TCF12: variants seen among roughly 807,000 people sequenced by gnomAD.
TCF12 encodes transcription factor 12.
A neutral mutation model predicts 86.0 loss-of-function variants in TCF12; 45 were observed. That is an observed-to-expected ratio of 0.52 (90% CI 0.41 to 0.67). The LOEUF is 0.67. TCF12 is among the 30% of genes least tolerant of loss of function. TCF12 has a pLI of 0.00. For synonymous variants in TCF12, 330 were observed against 299.6 expected (o/e 1.10, Z -1.05); for missense variants, 881 against 859.9 (o/e 1.02, Z -0.31).
Position 57,177,752 on chromosome 15 carries a change from G to A in TCF12, c.390+11286G>A, listed in dbSNP as rs557181073. 9.3e-5 allele frequency among the ~76,000 whole-genome samples: 14 copies of A among 150,668 alleles called. No homozygotes were observed. The South Asian group carries it at 2.5e-3, about 27-fold the overall frequency. On this transcript the variant is annotated intron_variant, in intron 6 of 20. Transcript: ENST00000333725. The stretch of plus-strand genomic sequence containing the variant: ...TTATTTATTTTGTGAAACAGATCTC[G>A]CTCTGTCACCCAGGGCGGAGTGCAG...
At chr15:57,178,794 A>C (rs1383022934) in intron 6 of TCF12, among the ~76,000 whole-genome samples, 1 of 152,252 alleles carries the variant, frequency 6.6e-6, no homozygotes, top group African/African-American at 2.4e-5. Flanking sequence ...TGCCTTCAAA[A>C]AATCCCCTAT....
At position 57,166,603 on chromosome 15, in the gene TCF12, C is replaced by T. The variant is rs1351798052; in HGVS notation, c.390+137C>T. On this transcript the variant is annotated intron_variant, in intron 6 of 20. Transcript: ENST00000333725. The stretch of plus-strand genomic sequence containing the variant: ...ATTTGTAACTAAGTGTTGTTTTTTG[C>T]TCTCTTTGCTTAAAATTGTTTCAGT... 4 of 677,808 alleles carry T rather than the reference C, an allele frequency of 5.9e-6. No homozygotes were observed. In the Admixed American group the frequency reaches 1.1e-4, roughly 19 times the overall value. 42.0% of individuals were successfully genotyped at this position (677,808 alleles called of 1,614,324 possible).
intron 8 of TCF12, chr15:57,219,613 C>T: frequency 6.2e-7 from 1 of 1,607,446 alleles, no homozygotes. Context: ...CTTTGTATAG[C>T]TTCTAACTCA....
chr15:57,170,711 TA>T (rs1567558872), intron 6 of TCF12, among the ~76,000 whole-genome samples: 409 of 14,860 alleles, frequency 0.028, 17 homozygotes, highest in Middle Eastern at 0.067. Context: ...ATATAATATA[TA>T]ATATATATAT....
chr15:57,213,286 T>C (rs1394521895), intron 8 of TCF12, among the ~76,000 whole-genome samples: 1 of 152,266 alleles, frequency 6.6e-6, no homozygotes, highest in Non-Finnish European at 1.5e-5. Context: ...GAAACCATTC[T>C]TAAAAGATAC....
At chr15:57,225,815 C>T (rs903040670) in intron 8 of TCF12, among the ~76,000 whole-genome samples, 3 of 151,944 alleles carry the variant, frequency 2.0e-5, no homozygotes, top group South Asian at 2.1e-4. Flanking sequence ...TATATTGCTA[C>T]GTGTGGAACT....
chr15:57,250,924 C>CCAAAAAAAAAGAATAAGAAGAAACAAAAA (rs2060084942), intron 13 of TCF12, among the ~76,000 whole-genome samples: 1 of 150,622 alleles, frequency 6.6e-6, no homozygotes, highest in Admixed American at 6.6e-5. Flanking sequence ...AGAAACAAAA[C>CCAAAAAAAAAGAATAAGAAGAAACAAAAA]CAAAAAAACA....
intron 5 of TCF12, among the ~76,000 whole-genome samples, chr15:57,102,772 G>A (rs1596536876): frequency 6.6e-6 from 1 of 152,280 alleles, no homozygotes; most frequent in East Asian, 1.9e-4. Flanking sequence ...TTAGTTAGGT[G>A]AGTTGTTTTT....
intron 18 of TCF12, among the ~76,000 whole-genome samples, chr15:57,267,134 T>C (rs1180993303): frequency 6.6e-6 from 1 of 152,262 alleles, no homozygotes; most frequent in East Asian, 1.9e-4. Flanking sequence ...GATATGTGTA[T>C]ATATCTTATA....
intron 4 of TCF12, among the ~76,000 whole-genome samples, chr15:57,087,180 A>G (rs1055415838): frequency 2.6e-5 from 4 of 151,758 alleles, no homozygotes; most frequent in Non-Finnish European, 2.9e-5. Flanking sequence ...TGGGAGGCCA[A>G]AATGGGAGGT....
intron 4 of TCF12, among the ~76,000 whole-genome samples, chr15:57,077,548 A>C (rs1041506570): frequency 6.6e-6 from 1 of 151,586 alleles, no homozygotes; most frequent in Non-Finnish European, 1.5e-5. Context: ...AAGTATTTTT[A>C]ATTGCATTTT....
At chr15:57,047,466 TTGAG>T (rs1484471438) in intron 3 of TCF12, among the ~76,000 whole-genome samples, 1 of 152,134 alleles carries the variant, frequency 6.6e-6, no homozygotes, top group Non-Finnish European at 1.5e-5. Flanking sequence ...CAATAATAAT[TTGAG>T]TGGTTTAATA....
intron 3 of TCF12, among the ~76,000 whole-genome samples, chr15:56,924,466 C>T (rs2059918958): frequency 6.6e-6 from 1 of 152,094 alleles, no homozygotes; most frequent in African/African-American, 2.4e-5. Context: ...CAAAATTGTA[C>T]CACTGTAGGT....
intron 5 of TCF12, among the ~76,000 whole-genome samples, chr15:57,151,075 TC>T (rs1683968093): frequency 6.6e-6 from 1 of 151,476 alleles, no homozygotes; most frequent in Non-Finnish European, 1.5e-5. Flanking sequence ...AACTATTGGA[TC>T]AAGTGATCCT....
At chr15:57,244,812 C>G (rs2059786429) in intron 13 of TCF12, among the ~76,000 whole-genome samples, 1 of 151,670 alleles carries the variant, frequency 6.6e-6, no homozygotes, top group African/African-American at 2.4e-5. Context: ...TAGACAAGTT[C>G]TAAATACTAT....
intron 3 of TCF12, among the ~76,000 whole-genome samples, chr15:56,950,033 G>A (rs763164151): frequency 1.3e-5 from 2 of 152,134 alleles, no homozygotes; most frequent in Non-Finnish European, 2.9e-5. Flanking sequence ...CATATTTAGT[G>A]TAAACTTTAA....
chr15:57,084,053 C>G (rs1456678411), intron 4 of TCF12, among the ~76,000 whole-genome samples: 3 of 152,154 alleles, frequency 2.0e-5, no homozygotes, highest in Non-Finnish European at 2.9e-5. Flanking sequence ...CTGATGTTCT[C>G]TTTTCTTGCA....
At chr15:56,928,181 A>G (rs2060098526) in intron 3 of TCF12, among the ~76,000 whole-genome samples, 2 of 152,202 alleles carry the variant, frequency 1.3e-5, no homozygotes. Flanking sequence ...TCAGAGCTAT[A>G]CTTTTTTCAT....
intron 3 of TCF12, among the ~76,000 whole-genome samples, chr15:56,934,753 A>T (rs913545471): frequency 1.5e-4 from 23 of 152,314 alleles, no homozygotes; most frequent in Admixed American, 1.0e-3. Context: ...AAGTAAGGAG[A>T]CTACTGGGTT....
Sources: gnomAD v4.1 joint callset for allele counts (sites outside exome capture counted in the v4.1 genomes callset) on GRCh38, gnomAD v4.1.1 for gene constraint, MANE v1.5 for transcripts, NCBI Gene and HGNC (gene_info 2026-07-23, HGNC 2026-07-21) for gene names.